KIF6: variants seen among roughly 807,000 people sequenced by gnomAD.
KIF6 encodes kinesin-like protein KIF6.
A neutral mutation model predicts 112.7 loss-of-function variants in KIF6; 106 were observed. That is an observed-to-expected ratio of 0.94 (90% confidence interval 0.80 to 1.11). KIF6 has a LOEUF of 1.11. KIF6 is among the 50% of genes least tolerant of loss of function. The pLI is 0.00. For synonymous variants in KIF6, 339 were observed against 339.9 expected, an observed-to-expected ratio of 1.00 and a Z score of 0.03; for missense variants, 929 against 964.0, an observed-to-expected ratio of 0.96 and a Z score of 0.48.
intron 15 of KIF6, among the ~76,000 whole-genome samples, chr6:39,414,706 G>A (rs1380782965): frequency 6.6e-6 from 1 of 152,184 alleles, no homozygotes; most frequent in African/African-American, 2.4e-5. Flanking sequence ...TAGGCATATC[G>A]TGTAGGATAA....
Position 39,540,007 on chromosome 6 carries a change from T to A in KIF6, c.1641A>T (p.Lys547Asn). 6.3e-7 allele frequency: 1 copy of A among 1,597,470 alleles called. No homozygotes were observed. The highest frequency in any genetic ancestry group is 2.2e-5 in the East Asian group (1 of 44,706). Residue 547 changes from lysine (K) to asparagine (N), a missense_variant, in exon 13 of 23, where the codon AAA becomes AAT. Around this residue, in one of 2 missense-constraint regions of KIF6, gnomAD observed 688 missense variants for 662.7 expected, o/e 1.04. Coordinates refer to ENST00000287152, the MANE Select transcript of KIF6 (RefSeq NM_145027.6). Reference protein sequence around the residue: ...LGKRSSLLHKKIGMREEMSLG... With the variant: ...LGKRSSLLHKNIGMREEMSLG... ...CTGGAAATTTAGTCAACTGACCTAT[T>A]TTCTTGTGGAGCAAACTGGATCTTT...
intron 14 of KIF6, among the ~76,000 whole-genome samples, chr6:39,423,820 T>G (rs993003168): frequency 2.6e-5 from 4 of 152,086 alleles, no homozygotes; most frequent in African/African-American, 9.7e-5. Flanking sequence ...ATCAGAGCAT[T>G]CCACTTAGCT....
chr6:39,406,521 CT>C (rs952867729), intron 15 of KIF6, among the ~76,000 whole-genome samples: 13 of 151,770 alleles, frequency 8.6e-5, no homozygotes, highest in African/African-American at 2.4e-5. Context: ...TATTTTTGTT[CT>C]TTTTCTAGTT....
At chr6:39,607,792 C>G (rs1006699409) in intron 6 of KIF6, among the ~76,000 whole-genome samples, 1 of 152,112 alleles carries the variant, frequency 6.6e-6, no homozygotes, top group Non-Finnish European at 1.5e-5. Context: ...ATATTTTGCT[C>G]TAACCAGGTT....
At chr6:39,713,032 T>A (rs1271315652) in intron 3 of KIF6, among the ~76,000 whole-genome samples, 1 of 152,150 alleles carries the variant, frequency 6.6e-6, no homozygotes, top group Non-Finnish European at 1.5e-5. Flanking sequence ...GGTGCAATTT[T>A]AAATAAGGTA....
intron 3 of KIF6, among the ~76,000 whole-genome samples, chr6:39,674,637 G>A (rs548590291): frequency 6.6e-6 from 1 of 152,006 alleles, no homozygotes; most frequent in African/African-American, 2.4e-5. Flanking sequence ...ATCTGCAACA[G>A]TTTCAAAGAG....
At chr6:39,420,562 C>T (rs879820580) in intron 14 of KIF6, among the ~76,000 whole-genome samples, 55 of 152,260 alleles carry the variant, frequency 3.6e-4, no homozygotes, top group Admixed American at 7.8e-4. Context: ...ACAGAGACTG[C>T]GTGGCCTACA....
At chr6:39,489,524 A>C (rs1196705517) in intron 13 of KIF6, among the ~76,000 whole-genome samples, 1 of 152,156 alleles carries the variant, frequency 6.6e-6, no homozygotes, top group Non-Finnish European at 1.5e-5. Context: ...GAATACTAGC[A>C]CTTGAGCAAA....
rs534756355 is a variant in KIF6, at chr6:39,533,065, A to G, written c.1645+6938T>C. Among the ~76,000 whole-genome samples the G allele has an allele frequency of 9.4e-4, 143 of 152,294 alleles. 1 individual carries two copies. The Middle Eastern group carries it at 0.01, about 11-fold the overall frequency. ...CTGAATAGGAATAGCTCTGGTCTAA[A>G]GCTCCCAGCGTGAGCGACGCAGAAG... is the stretch of plus-strand genomic sequence containing the variant. On this transcript the variant is annotated intron_variant, in intron 13 of 22. Transcript: ENST00000287152.
intron 3 of KIF6, among the ~76,000 whole-genome samples, chr6:39,669,254 A>T (rs952202256): frequency 6.6e-6 from 1 of 152,186 alleles, no homozygotes; most frequent in African/African-American, 2.4e-5. Flanking sequence ...GCTCTACTCC[A>T]CAAGTCATGC....
At chr6:39,491,667 A>T (rs913544030) in intron 13 of KIF6, among the ~76,000 whole-genome samples, 6 of 152,188 alleles carry the variant, frequency 3.9e-5, no homozygotes, top group Non-Finnish European at 8.8e-5. Context: ...TGTTAGTGAA[A>T]GCCTGAAAAG....
chr6:39,713,536 G>C (rs1168630025), intron 3 of KIF6, among the ~76,000 whole-genome samples: 1 of 152,090 alleles, frequency 6.6e-6, no homozygotes, highest in Admixed American at 6.5e-5. Flanking sequence ...GGAAAACCCA[G>C]GCATCCATGA....
intron 1 of KIF6, 92 bp downstream of exon 1, chr6:39,725,153 C>A (rs1044804002): frequency 9.0e-7 from 1 of 1,109,804 alleles, no homozygotes; most frequent in Non-Finnish European, 1.3e-6. Context: ...CCAGCAAGCC[C>A]CTCACCTCCG....
intron 13 of KIF6, among the ~76,000 whole-genome samples, chr6:39,454,222 A>C (rs1305699011): frequency 2.0e-5 from 3 of 152,180 alleles, no homozygotes; most frequent in Non-Finnish European, 4.4e-5. Flanking sequence ...AAAAAGAAAA[A>C]AAGAGGAAAT....
chr6:39,435,064 TA>T (rs768675195), intron 13 of KIF6, among the ~76,000 whole-genome samples: 21 of 152,322 alleles, frequency 1.4e-4, no homozygotes, highest in South Asian at 2.1e-4. Context: ...TAAGTGATTA[TA>T]AAGGGGTGAA....
intron 13 of KIF6, among the ~76,000 whole-genome samples, chr6:39,462,255 G>C (rs1773523691): frequency 6.6e-6 from 1 of 152,158 alleles, no homozygotes; most frequent in Admixed American, 6.5e-5. Flanking sequence ...CTCAAGAGGA[G>C]AACTTGTTGG....
At chr6:39,546,218 T>G (rs1360268303) in intron 10 of KIF6, among the ~76,000 whole-genome samples, 6 of 152,152 alleles carry the variant, frequency 3.9e-5, no homozygotes. Context: ...GTGAAAGCCA[T>G]GCAGACTCCT....
intron 5 of KIF6, among the ~76,000 whole-genome samples, chr6:39,634,359 C>A (rs949473651): frequency 6.6e-5 from 10 of 152,106 alleles, no homozygotes; most frequent in African/African-American, 2.4e-4. Flanking sequence ...ACAATCAGTG[C>A]CAATCTGATC....
chr6:39,403,576 C>A (rs955717922), intron 15 of KIF6, among the ~76,000 whole-genome samples: 1 of 152,178 alleles, frequency 6.6e-6, no homozygotes, highest in African/African-American at 2.4e-5. Context: ...ATTTGGGTTA[C>A]CACCAGTTTT....
Sources: allele counts gnomAD v4.1 joint callset (sites outside exome capture counted in the v4.1 genomes callset), GRCh38; gene constraint gnomAD v4.1.1; regional missense constraint gnomAD v4.1.1; transcripts MANE v1.5; gene names NCBI Gene and HGNC (gene_info 2026-07-23, HGNC 2026-07-21).